IL19: variants seen among roughly 807,000 people sequenced by gnomAD.
The protein encoded by IL19 is interleukin 19.
IL19 carries 15 observed loss-of-function variants against 19.5 expected under a neutral mutation model. The observed-to-expected ratio is 0.77, with a 90% CI of 0.52 to 1.19. IL19 has a LOEUF of 1.19. Ranked by LOEUF, IL19 falls within the 50% of genes most tolerant of loss-of-function variation. IL19 has a pLI of 0.00. For synonymous variants in IL19, 78 were observed against 78.3 expected (o/e 1.00, Z 0.02); for missense variants, 199 against 213.1 (o/e 0.93, Z 0.41).
chr1:206,842,801 T>A lies in IL19; in HGVS notation c.*179T>A, dbSNP rs1218637609. ...ATAGCCAAAAAGTCTACTGTGGTAT[T>A]TGTAATAAACTCTATCTGCTGAAAG... On this transcript the variant is annotated 3_prime_UTR_variant, in exon 7 of 7. Coordinates refer to ENST00000659997, the MANE Select transcript of IL19 (RefSeq NM_153758.5). 3 of 544,430 alleles carry A rather than the reference T, an allele frequency of 5.5e-6. No individual in the cohort carries two copies. The highest frequency in any genetic ancestry group is 6.6e-6 in the Non-Finnish European group (2 of 304,458). The allele number at this position is 544,430 out of a possible 1,614,324, so 33.7% of individuals were successfully genotyped here.
chr1:206,774,645 C>T (rs748468317), intron 1 of IL19, among the ~76,000 whole-genome samples: 41 of 152,194 alleles, frequency 2.7e-4, no homozygotes, highest in Non-Finnish European at 4.6e-4. Context: ...TGCAACCCTA[C>T]GTGGTTATCA....
At chr1:206,799,066 T>C (rs1675607020) in intron 2 of IL19, 60 bp downstream of exon 2, 6 of 1,135,820 alleles carry the variant, frequency 5.3e-6, no homozygotes, top group South Asian at 2.5e-5. Context: ...ACCAGAGATA[T>C]CCAGTTTATT....
intron 2 of IL19, among the ~76,000 whole-genome samples, chr1:206,806,486 G>T (rs564788350): frequency 6.6e-6 from 1 of 152,186 alleles, no homozygotes; most frequent in Non-Finnish European, 1.5e-5. Flanking sequence ...AACTCTAAAT[G>T]TGAGAAGACA....
intron 2 of IL19, among the ~76,000 whole-genome samples, chr1:206,816,028 G>GAAAACAAAAC (rs145833692): frequency 1.3e-5 from 2 of 151,836 alleles, no homozygotes; most frequent in African/African-American, 4.8e-5. Flanking sequence ...CTACTGTACT[G>GAAAACAAAAC]AAAACAAAAC....
chr1:206,794,689 C>T (rs751990398), intron 1 of IL19, among the ~76,000 whole-genome samples: 5 of 152,050 alleles, frequency 3.3e-5, no homozygotes, highest in Non-Finnish European at 7.4e-5. Context: ...AAGAGACCTG[C>T]GAGGTGGGTA....
intron 1 of IL19, among the ~76,000 whole-genome samples, chr1:206,771,690 G>C (rs773139706): frequency 2.6e-5 from 4 of 152,168 alleles, no homozygotes; most frequent in Admixed American, 2.6e-4. Context: ...TTCTTTCTGC[G>C]GAGCTACATT....
rs144428306 is a variant in IL19, at chr1:206,786,891, C to CG, written c.-148-11968dup. On this transcript the variant is annotated intron_variant, in intron 1 of 6. Coordinates refer to ENST00000659997, the MANE Select transcript of IL19 (RefSeq NM_153758.5). ...TTCTGCTCTCCAGCCCCCAAGCCAC[C>CG]GGAGAACAGAACGCATTCTTAAAGT... 6.7e-3 allele frequency among the ~76,000 whole-genome samples: 1,018 copies of CG among 152,234 alleles called. 10 individuals carry two copies. The highest frequency in any genetic ancestry group is 0.023 in the African/African-American group (953 of 41,548).
At chr1:206,809,359 T>G (rs1446070766) in intron 2 of IL19, among the ~76,000 whole-genome samples, 1 of 152,176 alleles carries the variant, frequency 6.6e-6, no homozygotes, top group East Asian at 1.9e-4. Flanking sequence ...GTACTTGGTG[T>G]GGGGTGGGTG....
chr1:206,775,989 T>G (rs35101374), intron 1 of IL19, among the ~76,000 whole-genome samples: 1 of 152,234 alleles, frequency 6.6e-6, no homozygotes, highest in Non-Finnish European at 1.5e-5. Flanking sequence ...AGTAGGCATC[T>G]AATCAATGCT....
chr1:206,838,788 TC>T (rs1676894405), intron 4 of IL19, among the ~76,000 whole-genome samples: 1 of 139,386 alleles, frequency 7.2e-6, no homozygotes, highest in Admixed American at 7.2e-5. Flanking sequence ...TCCCTTCCCT[TC>T]CCTTCCCTTC....
chr1:206,825,953 C>A (rs944096081), intron 2 of IL19, among the ~76,000 whole-genome samples: 4 of 152,182 alleles, frequency 2.6e-5, no homozygotes, highest in Non-Finnish European at 5.9e-5. Flanking sequence ...CAGAGCTTGA[C>A]CTTCAAACTG....
intron 1 of IL19, 62 bp from the exon 2 acceptor site, chr1:206,798,799 C>A: frequency 2.2e-6 from 2 of 899,058 alleles, no homozygotes; most frequent in East Asian, 2.5e-5. Flanking sequence ...CTCAAAGCCA[C>A]CAGAAGGAGG....
At chr1:206,830,262 G>A (rs1004095898) in intron 2 of IL19, among the ~76,000 whole-genome samples, 3 of 152,010 alleles carry the variant, frequency 2.0e-5, no homozygotes, top group East Asian at 1.9e-4. Context: ...ATTGAACTGA[G>A]TTATCTCTGT....
At chr1:206,823,010 G>A (rs12096695) in intron 2 of IL19, among the ~76,000 whole-genome samples, 133,571 of 151,280 alleles carry the variant, frequency 0.88, 59,095 homozygotes, top group South Asian at 0.92. Context: ...GCTCACTGCA[G>A]CCTCCACCTC....
At chr1:206,838,411 C>A (rs1676872936) in intron 4 of IL19, among the ~76,000 whole-genome samples, 1 of 152,224 alleles carries the variant, frequency 6.6e-6, no homozygotes, top group Non-Finnish European at 1.5e-5. Context: ...CACACACACA[C>A]ACCTCTTCAT....
intron 2 of IL19, among the ~76,000 whole-genome samples, chr1:206,817,867 G>A (rs1009354895): frequency 1.3e-5 from 2 of 151,750 alleles, no homozygotes; most frequent in East Asian, 1.9e-4. Flanking sequence ...GGGTTCAAGC[G>A]ATTCTCCTGC....
chr1:206,815,605 G>A (rs753657097), intron 2 of IL19, among the ~76,000 whole-genome samples: 1 of 152,078 alleles, frequency 6.6e-6, no homozygotes, highest in Non-Finnish European at 1.5e-5. Flanking sequence ...TATCCACCAC[G>A]ATTTTGGAGA....
At position 206,819,367 on chromosome 1, in the gene IL19, C is replaced by T. The variant is rs148528359; in HGVS notation, c.-2-17294C>T. Among the ~76,000 whole-genome samples the T allele has an allele frequency of 2.3e-3, 344 of 151,980 alleles. 2 individuals carry two copies. The highest frequency in any genetic ancestry group is 7.8e-3 in the African/African-American group (323 of 41,470). ...TTGGGAGGCTGAGGCGGGCAGATCA[C>T]GAGGTCAGGAGTTCCAGATCAGCCT... On this transcript the variant is annotated intron_variant, in intron 2 of 6. Transcript: ENST00000659997.
At chr1:206,823,802 G>T (rs1275855169) in intron 2 of IL19, among the ~76,000 whole-genome samples, 1 of 152,156 alleles carries the variant, frequency 6.6e-6, no homozygotes. Flanking sequence ...GGTAAGAAAT[G>T]CAGGGAATAA....
Sources: gnomAD v4.1 joint callset for allele counts (sites outside exome capture counted in the v4.1 genomes callset) on GRCh38, gnomAD v4.1.1 for gene constraint, MANE v1.5 for transcripts, NCBI Gene and HGNC (gene_info 2026-07-23, HGNC 2026-07-21) for gene names.